The following HCN1 variants were observed in gnomAD, a reference collection of about 807,000 sequenced individuals.
HCN1 encodes the protein hyperpolarization activated cyclic nucleotide gated potassium channel 1.
In HCN1, 13 loss-of-function variants were observed where a neutral mutation model predicts 78.9. The ratio of observed to expected loss-of-function variants is 0.16; its 90% CI spans 0.11 to 0.26. HCN1 has a LOEUF of 0.26. HCN1 is among the 10% of genes least tolerant of loss of function. The pLI, the probability that HCN1 is intolerant of heterozygous loss-of-function variation, is 1.00. For synonymous variants in HCN1, 552 were observed against 455.5 expected (o/e 1.21, Z -2.70); for missense variants, 810 against 1,154.3 (o/e 0.70, Z 4.32).
Position 45,261,887 on chromosome 5 carries a change from G to A in HCN1, c.*34C>T. 1 of 1,612,794 alleles carries A rather than the reference G, an allele frequency of 6.2e-7. No homozygotes were observed. Among genetic ancestry groups the A allele is most frequent in the Non-Finnish European group, 8.5e-7 (1 of 1,179,284 alleles). ...ATCTGAGTATAGTCTCAGTTTATGA[G>A]AGTATTTCTTTCTGCTTTGACAATC... On this transcript the variant is annotated 3_prime_UTR_variant, in exon 8 of 8. Transcript: ENST00000303230.
chr5:45,421,843 T>C (rs960997049), intron 3 of HCN1, among the ~76,000 whole-genome samples: 6 of 152,186 alleles, frequency 3.9e-5, no homozygotes, highest in Non-Finnish European at 7.3e-5. Flanking sequence ...TGTCCTCATG[T>C]AGCATTTCCT....
At chr5:45,316,409 T>C (rs1045888816) in intron 5 of HCN1, among the ~76,000 whole-genome samples, 6 of 152,160 alleles carry the variant, frequency 3.9e-5, no homozygotes, top group African/African-American at 1.4e-4. Context: ...TGATGGGACG[T>C]ATTTCAAAAT....
chr5:45,634,649 T>C (rs1369350877), intron 2 of HCN1, among the ~76,000 whole-genome samples: 1 of 152,024 alleles, frequency 6.6e-6, no homozygotes, highest in Non-Finnish European at 1.5e-5. Context: ...TAATCACTGT[T>C]ATTACAAAGT....
chr5:45,423,273 C>G (rs181578389), intron 3 of HCN1, among the ~76,000 whole-genome samples: 7 of 152,222 alleles, frequency 4.6e-5, no homozygotes, highest in Admixed American at 2.0e-4. Context: ...ACATGAAGCT[C>G]AAGAAGCAGA....
intron 5 of HCN1, among the ~76,000 whole-genome samples, chr5:45,324,829 G>C (rs531320291): frequency 2.8e-4 from 43 of 151,450 alleles, no homozygotes; most frequent in African/African-American, 1.0e-3. Flanking sequence ...CGAAATTTGT[G>C]AAAAAAAATT....
intron 2 of HCN1, among the ~76,000 whole-genome samples, chr5:45,532,219 G>A (rs1291473302): frequency 3.9e-5 from 6 of 152,206 alleles, no homozygotes; most frequent in East Asian, 1.9e-4. Context: ...CTTCAAAGGC[G>A]AGGACCACAA....
Position 45,256,014 on chromosome 5 carries a change from C to T in HCN1, c.*5907G>A, listed in dbSNP as rs1744604183. ...TATATTTACTAATTTATTCAGATTT[C>T]TTCAATTGAATGAATCAATAGTATT... On this transcript the variant is annotated 3_prime_UTR_variant, in exon 8 of 8. Coordinates refer to ENST00000303230, the MANE Select transcript of HCN1 (RefSeq NM_021072.4). The T allele has an allele frequency of 6.6e-6, 1 of 152,062 alleles. No individual in the cohort carries two copies. The highest frequency in any genetic ancestry group is 2.1e-4 in the South Asian group (1 of 4,830). The allele number at this position is 152,062 out of a possible 1,614,324, so 9.4% of individuals were successfully genotyped here.
At chr5:45,616,280 T>C (rs1744948494) in intron 2 of HCN1, among the ~76,000 whole-genome samples, 1 of 151,930 alleles carries the variant, frequency 6.6e-6, no homozygotes, top group African/African-American at 2.4e-5. Context: ...ATCACCCAAC[T>C]TTCAGGAAAC....
At chr5:45,651,644 G>A (rs1278166732) in intron 1 of HCN1, among the ~76,000 whole-genome samples, 1 of 151,894 alleles carries the variant, frequency 6.6e-6, no homozygotes, top group Admixed American at 6.6e-5. Flanking sequence ...TTGAAAACTA[G>A]CATAAGGTGC....
rs1415475910 is a variant in HCN1, at chr5:45,695,951, G to A, written c.143C>T (p.Ala48Val). 6.0e-6 allele frequency: 8 copies of A among 1,342,390 alleles called. No homozygotes were observed. The highest frequency in any genetic ancestry group is 7.6e-6 in the Non-Finnish European group (8 of 1,055,844). 83.2% of individuals were successfully genotyped at this position (1,342,390 alleles called of 1,614,324 possible). ...GGAGTTGCCGTGCTCCTTCGCGCCG[G>A]CCCCGCCGCCCCCCGGCGGGGTGCC... ...RLGTPPGGGGAGAKEHGNSVC... is the reference protein window; with the variant it reads ...RLGTPPGGGGVGAKEHGNSVC... The change falls in exon 1 of 8, where the codon GCC becomes GTC. Residue 48 changes from alanine to valine, a missense_variant. Coordinates refer to ENST00000303230, the MANE Select transcript of HCN1 (RefSeq NM_021072.4).
intron 3 of HCN1, among the ~76,000 whole-genome samples, chr5:45,452,246 A>G (rs1383880732): frequency 6.6e-6 from 1 of 151,638 alleles, no homozygotes; most frequent in Non-Finnish European, 1.5e-5. Flanking sequence ...AGAGACAGGT[A>G]TTGATTAACT....
chr5:45,372,529 T>C (rs1367299097), intron 4 of HCN1, among the ~76,000 whole-genome samples: 1 of 126,318 alleles, frequency 7.9e-6, no homozygotes, highest in Non-Finnish European at 1.6e-5. Context: ...TAAAAATATA[T>C]AAAACATTTA....
At chr5:45,336,129 G>C (rs544578985) in intron 5 of HCN1, among the ~76,000 whole-genome samples, 2 of 152,122 alleles carry the variant, frequency 1.3e-5, no homozygotes, top group Admixed American at 6.6e-5. Flanking sequence ...GAGAATCAAG[G>C]AGGAGGGCTC....
chr5:45,418,765 CT>C (rs1279823440), intron 3 of HCN1, among the ~76,000 whole-genome samples: 2 of 152,094 alleles, frequency 1.3e-5, no homozygotes, highest in African/African-American at 4.8e-5. Context: ...CTGGGAATTC[CT>C]TTTTTGAGCA....
chr5:45,694,483 T>G (rs957224590), intron 1 of HCN1, among the ~76,000 whole-genome samples: 1 of 152,188 alleles, frequency 6.6e-6, no homozygotes, highest in African/African-American at 2.4e-5. Flanking sequence ...CGTTAAGGCA[T>G]GTAGTTGGTG....
In HCN1 at chr5:45,286,045, TCTC is replaced by T. The variant is rs201134344; in HGVS notation, c.1618+17551_1618+17553del. On this transcript the variant is annotated intron_variant, in intron 6 of 7. Coordinates refer to ENST00000303230, the MANE Select transcript of HCN1 (RefSeq NM_021072.4). The stretch of plus-strand genomic sequence containing the variant: ...TAAAAAAAAACTAAGTTTCTAAGAT[TCTC>T]AGAAACTGGAAATTAACTTTTATTT... Among the ~76,000 whole-genome samples, 691 of 152,104 alleles carry T rather than the reference TCTC, an allele frequency of 4.5e-3. 6 individuals are homozygous for T. Among genetic ancestry groups the T allele is most frequent in the African/African-American group, 0.016 (673 of 41,534 alleles).
At chr5:45,412,663 T>C (rs1214156169) in intron 3 of HCN1, among the ~76,000 whole-genome samples, 1 of 152,068 alleles carries the variant, frequency 6.6e-6, no homozygotes, top group Non-Finnish European at 1.5e-5. Context: ...TGAATGCGTG[T>C]ATGTTGCATT....
At chr5:45,391,127 C>T (rs995972442) in intron 4 of HCN1, among the ~76,000 whole-genome samples, 4 of 152,076 alleles carry the variant, frequency 2.6e-5, no homozygotes, top group Non-Finnish European at 5.9e-5. Flanking sequence ...GTACTCAAGG[C>T]ATTCTTATTT....
chr5:45,691,361 T>G (rs1009530212), intron 1 of HCN1, among the ~76,000 whole-genome samples: 1 of 152,112 alleles, frequency 6.6e-6, no homozygotes. Context: ...TATAATATTT[T>G]AATAGTATAA....
Sources: gnomAD v4.1 joint callset for allele counts (sites outside exome capture counted in the v4.1 genomes callset) on GRCh38, gnomAD v4.1.1 for gene constraint, MANE v1.5 for transcripts, NCBI Gene and HGNC (gene_info 2026-07-23, HGNC 2026-07-21) for gene names.